The following LRBA variants were observed in gnomAD, a reference collection of about 807,000 sequenced individuals.
LRBA encodes the protein lipopolysaccharide-responsive and beige-like anchor protein.
In LRBA, 176 loss-of-function variants were observed where a neutral mutation model predicts 330.0. The observed-to-expected ratio is 0.53, with a 90% CI of 0.47 to 0.60. The LOEUF is 0.60. Among genes scored for constraint, LRBA ranks in the 20% least tolerant of loss-of-function variants. The probability of loss-of-function intolerance (pLI) is 0.00; values close to 1 mark genes in which losing one functional copy is unlikely to be tolerated. For missense variants in LRBA, 3,259 were observed against 3,444.8 expected (o/e 0.95, Z 1.35); for synonymous variants, 1,230 against 1,193.0 (o/e 1.03, Z -0.64).
intron 40 of LRBA, among the ~76,000 whole-genome samples, chr4:150,535,693 T>C (rs976882563): frequency 6.6e-6 from 1 of 152,228 alleles, no homozygotes; most frequent in African/African-American, 2.4e-5. Context: ...AAATTGAAGA[T>C]AGAAAACATC....
chr4:150,346,656 G>C (rs1051374798), intron 48 of LRBA, among the ~76,000 whole-genome samples: 1 of 145,178 alleles, frequency 6.9e-6, no homozygotes, highest in East Asian at 2.1e-4. Context: ...CTATCCAGGA[G>C]ACTGAGGCAG....
At position 150,692,082 on chromosome 4, in the gene LRBA, A is replaced by G. The variant is rs534786857; in HGVS notation, c.5755-8365T>C. Reference sequence around the variant, plus strand: ...CAGGGGAATTCTCTAGGATGACAAAATTTCCTATATCTTTATTATAATGGT... The same window carrying G: ...CAGGGGAATTCTCTAGGATGACAAAGTTTCCTATATCTTTATTATAATGGT... On this transcript the variant is annotated intron_variant, in intron 36 of 56. Coordinates refer to ENST00000651943, the MANE Select transcript of LRBA (RefSeq NM_001364905.1). 1.8e-4 allele frequency among the ~76,000 whole-genome samples: 28 copies of G among 152,294 alleles called. No individual in the cohort carries two copies. In the South Asian group the frequency reaches 5.8e-3, roughly 32 times the overall value.
At chr4:150,563,709 C>CA (rs1019031162) in intron 40 of LRBA, among the ~76,000 whole-genome samples, 4 of 152,090 alleles carry the variant, frequency 2.6e-5, no homozygotes, top group African/African-American at 9.7e-5. Flanking sequence ...AATCAATGTG[C>CA]AAAAATCACA....
At chr4:150,858,982 T>C (rs962927569) in intron 22 of LRBA, among the ~76,000 whole-genome samples, 2 of 152,200 alleles carry the variant, frequency 1.3e-5, no homozygotes, top group African/African-American at 4.8e-5. Flanking sequence ...AAAAATCTTA[T>C]TTCCACATGC....
At chr4:150,831,624 C>T (rs1747201889) in intron 29 of LRBA, among the ~76,000 whole-genome samples, 193 bp downstream of exon 29, 1 of 152,050 alleles carries the variant, frequency 6.6e-6, no homozygotes, top group East Asian at 1.9e-4. Context: ...ATTTAAAGAA[C>T]AAAAAATATC....
chr4:150,761,726 G>T (rs868204394), intron 35 of LRBA, 57 bp downstream of exon 35: 3 of 1,190,670 alleles, frequency 2.5e-6, no homozygotes, highest in Middle Eastern at 2.3e-4. Context: ...AATGCCTATA[G>T]GAAAAACCCA....
At chr4:150,744,549 C>G (rs1316347311) in intron 35 of LRBA, among the ~76,000 whole-genome samples, 1 of 152,200 alleles carries the variant, frequency 6.6e-6, no homozygotes, top group Non-Finnish European at 1.5e-5. Flanking sequence ...AGTGCTAATT[C>G]TGATCTTTTA....
At chr4:150,912,812 T>C (rs1316140106) in intron 9 of LRBA, among the ~76,000 whole-genome samples, 1 of 152,206 alleles carries the variant, frequency 6.6e-6, no homozygotes, top group Non-Finnish European at 1.5e-5. Flanking sequence ...CTGAGATCTT[T>C]CTTTTGGTGA....
At chr4:150,613,722 T>C (rs1209098372) in intron 37 of LRBA, among the ~76,000 whole-genome samples, 2 of 152,238 alleles carry the variant, frequency 1.3e-5, no homozygotes, top group African/African-American at 4.8e-5. Flanking sequence ...AGCGAATGCT[T>C]TGCATCTCTG....
rs765407358 is a variant in LRBA at position 150,735,250 on chromosome 4, T to C, written c.5754+8A>G. ...AACTTCCGCACACCAACCATATGTG[T>C]AACCTACCTCAAATTCCGCATGTCT... On this transcript the variant is annotated splice_region_variant and intron_variant, in intron 36 of 56. Coordinates refer to ENST00000651943, the MANE Select transcript of LRBA (RefSeq NM_001364905.1). 40 of 1,600,956 alleles carry C rather than the reference T, an allele frequency of 2.5e-5. No individual in the cohort carries two copies. The highest frequency in any genetic ancestry group is 3.2e-5 in the Non-Finnish European group (37 of 1,168,286).
rs866217573 is a variant in LRBA at position 150,875,851 on chromosome 4, G to C, written c.2166-3096C>G. Among the ~76,000 whole-genome samples the C allele has an allele frequency of 5.9e-5, 9 of 152,266 alleles. No individual in the cohort carries two copies. In the South Asian group the frequency reaches 1.9e-3, roughly 32 times the overall value. On this transcript the variant is annotated intron_variant, in intron 17 of 56. Transcript: ENST00000651943. The stretch of plus-strand genomic sequence containing the variant: ...ATCTGAGTGTGGTGACACCATCAAA[G>C]GATCACACTGGCTCTCCAACCATGG...
At chr4:150,476,388 A>G (rs1300629092) in intron 42 of LRBA, among the ~76,000 whole-genome samples, 3 of 152,290 alleles carry the variant, frequency 2.0e-5, no homozygotes, top group Admixed American at 2.0e-4. Flanking sequence ...TAATAGCTAC[A>G]TGGCAGAGAC....
chr4:150,391,774 G>C (rs1240816097), intron 47 of LRBA, among the ~76,000 whole-genome samples: 2 of 152,036 alleles, frequency 1.3e-5, no homozygotes, highest in Non-Finnish European at 2.9e-5. Flanking sequence ...TGCTGGAAAA[G>C]ATGGTCTCTC....
chr4:150,501,001 C>T (rs1330675411), intron 40 of LRBA, among the ~76,000 whole-genome samples: 1 of 152,160 alleles, frequency 6.6e-6, no homozygotes, highest in Non-Finnish European at 1.5e-5. Context: ...TTTGTATTCA[C>T]TTCCATAATA....
At chr4:150,372,762 T>TTTTTTTTTTTTTTTTTTTTG (rs1554011252) in intron 47 of LRBA, among the ~76,000 whole-genome samples, 3 of 144,198 alleles carry the variant, frequency 2.1e-5, no homozygotes, top group African/African-American at 5.0e-5. Flanking sequence ...AGTAAGTTCT[T>TTTTTTTTTTTTTTTTTTTTG]ACTAGATATT....
intron 40 of LRBA, among the ~76,000 whole-genome samples, chr4:150,530,272 A>G (rs1245904714): frequency 6.6e-6 from 1 of 152,188 alleles, no homozygotes; most frequent in South Asian, 2.1e-4. Context: ...TATAGAGAAA[A>G]AAAAAGTGAT....
chr4:150,449,172 C>T (rs1264682576), intron 44 of LRBA, among the ~76,000 whole-genome samples: 1 of 151,990 alleles, frequency 6.6e-6, no homozygotes, highest in Non-Finnish European at 1.5e-5. Context: ...AGAGTACGAG[C>T]AAAACTAATC....
chr4:150,404,418 T>A (rs1372765910), intron 47 of LRBA, among the ~76,000 whole-genome samples: 2 of 152,114 alleles, frequency 1.3e-5, no homozygotes, highest in Non-Finnish European at 2.9e-5. Flanking sequence ...GAGAGCATAG[T>A]GATAAGAAGG....
intron 31 of LRBA, among the ~76,000 whole-genome samples, chr4:150,813,542 T>G (rs556413674): frequency 1.5e-4 from 23 of 152,242 alleles, no homozygotes; most frequent in African/African-American, 5.3e-4. Flanking sequence ...AATTCTCAAT[T>G]TTTATGGGTT....
Sources: allele counts gnomAD v4.1 joint callset (sites outside exome capture counted in the v4.1 genomes callset), GRCh38; gene constraint gnomAD v4.1.1; transcripts MANE v1.5; gene names NCBI Gene and HGNC (gene_info 2026-07-23, HGNC 2026-07-21).